ROBO1: variants seen among roughly 807,000 people sequenced by gnomAD.
ROBO1 encodes the protein roundabout guidance receptor 1, also known as roundabout homolog 1.
In ROBO1, 149 loss-of-function variants were observed where a neutral mutation model predicts 195.9. The ratio of observed to expected loss-of-function variants is 0.76; its 90% confidence interval spans 0.67 to 0.87. The LOEUF (loss-of-function observed/expected upper bound fraction) is 0.87, where lower values mean the gene tolerates loss of function less well. ROBO1 is among the 40% of genes least tolerant of loss of function. ROBO1 has a pLI of 0.00. For missense variants in ROBO1, 1,933 were observed against 2,068.3 expected, an observed-to-expected ratio of 0.93 and a Z score of 1.27; for synonymous variants, 816 against 733.2, an observed-to-expected ratio of 1.11 and a Z score of -1.82.
chr3:79,690,135 C>T (rs1310597437), intron 1 of ROBO1, among the ~76,000 whole-genome samples: 4 of 151,650 alleles, frequency 2.6e-5, no homozygotes, highest in Non-Finnish European at 5.9e-5. Flanking sequence ...AGTAATGCAC[C>T]GCTCCCCCCA....
chr3:79,414,032 AC>A (rs1201439698), intron 2 of ROBO1, among the ~76,000 whole-genome samples: 1 of 152,052 alleles, frequency 6.6e-6, no homozygotes, highest in African/African-American at 2.4e-5. Context: ...TCCTCGAAAT[AC>A]CTTTTTCCCA....
intron 2 of ROBO1, among the ~76,000 whole-genome samples, chr3:79,546,669 C>A (rs2107657687): frequency 6.6e-6 from 1 of 152,306 alleles, no homozygotes; most frequent in East Asian, 1.9e-4. Flanking sequence ...CATGTACACT[C>A]AGCATTATGT....
At chr3:79,504,944 G>A (rs1344805225) in intron 2 of ROBO1, among the ~76,000 whole-genome samples, 1 of 151,740 alleles carries the variant, frequency 6.6e-6, no homozygotes, top group Non-Finnish European at 1.5e-5. Context: ...ATTCAATAAG[G>A]CAAATAGTTA....
chr3:79,680,464 C>T (rs1287643769), intron 1 of ROBO1, among the ~76,000 whole-genome samples: 1 of 151,928 alleles, frequency 6.6e-6, no homozygotes, highest in African/African-American at 2.4e-5. Context: ...GTATGAGTTA[C>T]TGGATGGGAA....
chr3:79,561,605 C>T (rs2107711979), intron 2 of ROBO1, among the ~76,000 whole-genome samples: 1 of 152,220 alleles, frequency 6.6e-6, no homozygotes, highest in Non-Finnish European at 1.5e-5. Flanking sequence ...TCTTTTTAAA[C>T]AGGAAGGCAA....
intron 3 of ROBO1, among the ~76,000 whole-genome samples, chr3:79,068,119 C>A (rs901541438): frequency 2.0e-5 from 3 of 151,930 alleles, no homozygotes; most frequent in African/African-American, 7.2e-5. Context: ...CATGAACAAT[C>A]CCTGATACAT....
intron 2 of ROBO1, among the ~76,000 whole-genome samples, chr3:79,365,491 C>T (rs1469488153): frequency 6.6e-6 from 1 of 152,210 alleles, no homozygotes; most frequent in Non-Finnish European, 1.5e-5. Flanking sequence ...AGAGGATCCC[C>T]TAACTTCATG....
intron 4 of ROBO1, among the ~76,000 whole-genome samples, chr3:78,748,984 T>C (rs1310296485): frequency 1.3e-5 from 2 of 152,172 alleles, no homozygotes; most frequent in Admixed American, 1.3e-4. Context: ...CAGCTACTGT[T>C]ACCACATAAT....
chr3:78,705,489 T>A (rs2081528140), intron 8 of ROBO1, among the ~76,000 whole-genome samples: 1 of 152,226 alleles, frequency 6.6e-6, no homozygotes, highest in Admixed American at 6.5e-5. Flanking sequence ...TGCCTAGGAT[T>A]CAACAACTGG....
chr3:79,494,759 T>A (rs143978685), intron 2 of ROBO1, among the ~76,000 whole-genome samples: 2 of 152,024 alleles, frequency 1.3e-5, no homozygotes, highest in African/African-American at 4.8e-5. Flanking sequence ...TTTCAAGATA[T>A]AACAGAAAAA....
chr3:79,444,968 A>G (rs1490053200), intron 2 of ROBO1, among the ~76,000 whole-genome samples: 1 of 151,942 alleles, frequency 6.6e-6, no homozygotes, highest in Non-Finnish European at 1.5e-5. Flanking sequence ...TGAGATTAAG[A>G]TGGCAGGGAT....
In ROBO1 at chr3:78,754,055, A is replaced by AT. The variant is rs532569896; in HGVS notation, c.500-7156dup. 1.8e-3 allele frequency among the ~76,000 whole-genome samples: 278 copies of AT among 152,310 alleles called. 2 individuals are homozygous for AT. The highest frequency in any genetic ancestry group is 6.3e-3 in the African/African-American group (264 of 41,580). ...ACACAGATTCTTTCACTATTCTGTG[A>AT]TTTTAACAGGTACGTTCACAATGAC... On this transcript the variant is annotated intron_variant, in intron 4 of 30. Coordinates refer to ENST00000464233, the MANE Select transcript of ROBO1 (RefSeq NM_002941.4).
chr3:78,653,016 G>A (rs112985877), intron 18 of ROBO1, among the ~76,000 whole-genome samples: 13 of 151,974 alleles, frequency 8.6e-5, no homozygotes, highest in African/African-American at 3.1e-4. Context: ...CACCACATCT[G>A]GTGAAACAAG....
chr3:79,308,054 A>T (rs1271188548), intron 2 of ROBO1, among the ~76,000 whole-genome samples: 1 of 152,200 alleles, frequency 6.6e-6, no homozygotes, highest in Non-Finnish European at 1.5e-5. Flanking sequence ...CCACAAGCTG[A>T]CAGCTACATG....
chr3:79,681,162 T>C (rs933201203), intron 1 of ROBO1, among the ~76,000 whole-genome samples: 3 of 152,000 alleles, frequency 2.0e-5, no homozygotes, highest in African/African-American at 7.2e-5. Context: ...AGCTGATATT[T>C]TGATAGATAA....
chr3:78,686,021 G>A (rs1310305958), intron 9 of ROBO1, 104 bp from the exon 10 acceptor site: 4 of 943,694 alleles, frequency 4.2e-6, no homozygotes, highest in East Asian at 5.3e-5. Context: ...ACATATAAAA[G>A]TATTCATACA....
chr3:79,743,177 A>G (rs1703721770), intron 1 of ROBO1, among the ~76,000 whole-genome samples: 1 of 152,200 alleles, frequency 6.6e-6, no homozygotes, highest in African/African-American at 2.4e-5. Flanking sequence ...AATGTCATAG[A>G]GTGTACTTAC....
chr3:78,668,481 T>C lies in ROBO1; in HGVS notation c.1630+3A>G, dbSNP rs1169203445. On this transcript the variant is annotated splice_donor_region_variant and intron_variant, in intron 12 of 30. Coordinates refer to ENST00000464233, the MANE Select transcript of ROBO1 (RefSeq NM_002941.4). Reference sequence around the variant, plus strand: ...TTTAAGGGAAACACACCATTTACTTTACCTTGAACTTCAATGTAAGCACTC... The same window carrying C: ...TTTAAGGGAAACACACCATTTACTTCACCTTGAACTTCAATGTAAGCACTC... The C allele has an allele frequency of 6.2e-7, 1 of 1,613,658 alleles. No individual in the cohort carries two copies. Among genetic ancestry groups the C allele is most frequent in the Non-Finnish European group, 8.5e-7 (1 of 1,179,722 alleles).
At chr3:78,790,759 G>T (rs1487137) in intron 4 of ROBO1, among the ~76,000 whole-genome samples, 1 of 152,116 alleles carries the variant, frequency 6.6e-6, no homozygotes, top group Non-Finnish European at 1.5e-5. Context: ...ATGTCCTTTA[G>T]GACCCAAGTT....
Sources: allele counts gnomAD v4.1 joint callset (sites outside exome capture counted in the v4.1 genomes callset), GRCh38; gene constraint gnomAD v4.1.1; transcripts MANE v1.5; gene names NCBI Gene and HGNC (gene_info 2026-07-23, HGNC 2026-07-21).